Variants in TREML4 observed in about 807,000 individuals in gnomAD.
TREML4 encodes trem-like transcript 4 protein.
A neutral mutation model predicts 25.4 loss-of-function variants in TREML4; 25 were observed. The ratio of observed to expected loss-of-function variants is 0.98; its 90% CI spans 0.72 to 1.37. The LOEUF is 1.37. TREML4 is among the 40% of genes most tolerant of loss of function. TREML4 has a pLI of 0.00. For synonymous variants in TREML4, 92 were observed against 87.9 expected (o/e 1.05, Z -0.26); for missense variants, 268 against 236.5 (o/e 1.13, Z -0.87).
chr6:41,234,885 C>T (rs1582118400), intron 4 of TREML4, among the ~76,000 whole-genome samples: 1 of 150,844 alleles, frequency 6.6e-6, no homozygotes, highest in Non-Finnish European at 1.5e-5. Context: ...AGGTTAGTGT[C>T]ATCAAAATCT....
chr6:41,230,935 C>T (rs1329346407), intron 4 of TREML4, among the ~76,000 whole-genome samples: 1 of 152,170 alleles, frequency 6.6e-6, no homozygotes, highest in Non-Finnish European at 1.5e-5. Context: ...TGAGCTCTGC[C>T]TCCTGTCAAA....
At chr6:41,229,978 C>G in intron 3 of TREML4, 84 bp from the exon 4 acceptor site, 3 of 1,191,558 alleles carry the variant, frequency 2.5e-6, no homozygotes, top group Non-Finnish European at 3.8e-6. Flanking sequence ...GCCCCTCTCC[C>G]CTTCCTCTCA....
chr6:41,236,665 T>A (rs910507422), intron 5 of TREML4, 48 bp downstream of exon 5: 1 of 1,089,788 alleles, frequency 9.2e-7, no homozygotes, highest in Non-Finnish European at 1.4e-6. Context: ...TGGGGCCAGA[T>A]TCTGTTCCTA....
intron 4 of TREML4, 103 bp from the exon 5 acceptor site, chr6:41,236,383 G>A (rs1461270429): frequency 1.7e-5 from 16 of 945,302 alleles, no homozygotes; most frequent in Middle Eastern, 2.2e-4. Flanking sequence ...GGGCCCTTAC[G>A]CAAACAGCTC....
In TREML4 at chr6:41,236,520, G is replaced by A; in HGVS notation, c.541G>A (p.Gly181Ser). The change falls in exon 5 of 6, where the codon GGC (glycine) becomes AGC (serine). Residue 181 changes from glycine to serine, a missense_variant. Transcript: ENST00000341495. ...AGCCCCTGCCTGCCTTGGCTCAGGT[G>A]GCCCCAGATTCCTGGTCTTGGTGCT... is the stretch of plus-strand genomic sequence containing the variant. ...SRAPACLGSG[G>S]PRFLVLVLCG... 6.2e-7 allele frequency: 1 copy of A among 1,614,156 alleles called. No homozygotes were observed. Among genetic ancestry groups the A allele is most frequent in the South Asian group, 1.1e-5 (1 of 91,074 alleles).
Position 41,229,417 on chromosome 6 carries a change from C to A in TREML4, c.395-104C>A, listed in dbSNP as rs1161610787. On this transcript the variant is annotated intron_variant, in intron 2 of 5. Transcript: ENST00000341495. ...ACAGACCACTCCTGGCTTAAGACATCCTGAGGGTCTGGCTCTGGGCCCCTA... is the reference window on the plus strand; with the variant it reads ...ACAGACCACTCCTGGCTTAAGACATACTGAGGGTCTGGCTCTGGGCCCCTA... The A allele has an allele frequency of 8.0e-6, 10 of 1,247,180 alleles. No homozygotes were observed. In the East Asian group the frequency reaches 1.9e-4, roughly 23 times the overall value. The allele number at this position is 1,247,180 out of a possible 1,614,324, so 77.3% of individuals were successfully genotyped here.
chr6:41,238,427 C>G lies in TREML4; in HGVS notation c.*1408C>G, dbSNP rs556413015. 6.6e-6 allele frequency: 1 copy of G among 152,160 alleles called. No homozygotes were observed. The highest frequency in any genetic ancestry group is 2.1e-4 in the South Asian group (1 of 4,830). The allele number at this position is 152,160 out of a possible 1,614,324, so 9.4% of individuals were successfully genotyped here. A position where few individuals can be genotyped will look rare whatever the true frequency, so the allele number is the denominator to read the frequency against. ...TTACTCCTTGCTGGGCACATATACA[C>G]AGCCCACTTCTTTTCAGTGCTTATT... On this transcript the variant is annotated 3_prime_UTR_variant, in exon 6 of 6. Transcript: ENST00000341495.
Position 41,228,701 on chromosome 6 carries a change from T to C in TREML4, c.64-13T>C, listed in dbSNP as rs759705786. ...TCTGACCTGGGTTTCTTTCTGCCGG[T>C]TCCTGGGTAAAGGGTGCTGTGCCTG... is the stretch of plus-strand genomic sequence containing the variant. On this transcript the variant is annotated splice_polypyrimidine_tract_variant and intron_variant, in intron 1 of 5. Coordinates refer to ENST00000341495, the MANE Select transcript of TREML4 (RefSeq NM_198153.3). The C allele has an allele frequency of 3.1e-6, 5 of 1,605,866 alleles. No homozygotes were observed. The highest frequency in any genetic ancestry group is 1.1e-5 in the South Asian group (1 of 90,294).
At chr6:41,229,631 C>CA (rs1766747632) in intron 3 of TREML4, 60 bp downstream of exon 3, 1 of 1,576,426 alleles carries the variant, frequency 6.3e-7, no homozygotes, top group Non-Finnish European at 8.7e-7. Flanking sequence ...TTGGGAGCCT[C>CA]AGATTCAGGG....
chr6:41,236,222 C>T (rs1461233664), intron 4 of TREML4, among the ~76,000 whole-genome samples: 2 of 152,066 alleles, frequency 1.3e-5, no homozygotes, highest in Non-Finnish European at 2.9e-5. Flanking sequence ...CAGCTCTATC[C>T]CTCCCCTTCC....
intron 1 of TREML4, 104 bp from the exon 2 acceptor site, chr6:41,228,610 G>T: frequency 6.7e-7 from 1 of 1,484,602 alleles, no homozygotes; most frequent in Non-Finnish European, 9.2e-7. Flanking sequence ...CCATGTGTGG[G>T]CATCAGAACT....
intron 3 of TREML4, chr6:41,229,772 C>T (rs1175661014): frequency 1.5e-6 from 1 of 655,034 alleles, no homozygotes; most frequent in African/African-American, 1.8e-5. Flanking sequence ...AGAAGATCGC[C>T]ATGTTCTCAC....
intron 4 of TREML4, among the ~76,000 whole-genome samples, chr6:41,230,346 T>C (rs2113938186): frequency 6.6e-6 from 1 of 152,264 alleles, no homozygotes; most frequent in South Asian, 2.1e-4. Flanking sequence ...GAAAAGACAG[T>C]TCAACATGGA....
intron 2 of TREML4, 92 bp downstream of exon 2, chr6:41,229,136 C>G: frequency 5.1e-6 from 6 of 1,175,298 alleles, no homozygotes; most frequent in Non-Finnish European, 6.0e-6. Context: ...CTATCATCCC[C>G]CATCCTGCCA....
At chr6:41,230,659 T>A (rs555593770) in intron 4 of TREML4, among the ~76,000 whole-genome samples, 1 of 152,130 alleles carries the variant, frequency 6.6e-6, no homozygotes, top group Non-Finnish European at 1.5e-5. Context: ...AATAGACAAC[T>A]AACTGCCAGA....
chr6:41,229,906 G>A (rs1307744988), intron 3 of TREML4, among the ~76,000 whole-genome samples, 156 bp from the exon 4 acceptor site: 1 of 152,146 alleles, frequency 6.6e-6, no homozygotes, highest in African/African-American at 2.4e-5. Flanking sequence ...GACTTCAGCT[G>A]GTTATGGAGA....
At position 41,228,454 on chromosome 6, in the gene TREML4, C is replaced by T; in HGVS notation, c.27C>T (p.Cys9=). The T allele has an allele frequency of 3.1e-6, 5 of 1,612,724 alleles. No homozygotes were observed. Among genetic ancestry groups the T allele is most frequent in the Non-Finnish European group, 4.2e-6 (5 of 1,179,366 alleles). The part of the protein sequence containing the change: MAWGGVHT[C]CFHLCCCCSW... ...TGGCCTGGGGTGGGGTCCACACCTGCTGCTTCCACCTGTGCTGCTGCTGCT... is the reference window on the plus strand; with the variant it reads ...TGGCCTGGGGTGGGGTCCACACCTGTTGCTTCCACCTGTGCTGCTGCTGCT... The change falls in exon 1 of 6, where the codon TGC becomes TGT. Residue 9 remains cysteine, a synonymous_variant. Transcript: ENST00000341495.
intron 4 of TREML4, among the ~76,000 whole-genome samples, chr6:41,232,876 C>CT (rs1766829596): frequency 6.6e-6 from 1 of 152,076 alleles, no homozygotes; most frequent in Non-Finnish European, 1.5e-5. Flanking sequence ...AGAAGCCTTA[C>CT]TTGCTCACCA....
At chr6:41,233,889 C>T (rs1036634652) in intron 4 of TREML4, among the ~76,000 whole-genome samples, 2 of 150,844 alleles carry the variant, frequency 1.3e-5, no homozygotes, top group African/African-American at 4.9e-5. Flanking sequence ...GAAAAATGTT[C>T]TAAACTATAT....
Sources: allele counts gnomAD v4.1 joint callset (sites outside exome capture counted in the v4.1 genomes callset), GRCh38; gene constraint gnomAD v4.1.1; transcripts MANE v1.5; gene names NCBI Gene and HGNC (gene_info 2026-07-23, HGNC 2026-07-21).